Variants in NR1H4 observed in about 807,000 individuals in gnomAD.
NR1H4 encodes the protein bile acid receptor.
NR1H4 carries 23 observed loss-of-function variants against 58.5 expected under a neutral mutation model. That is an observed-to-expected ratio of 0.39 (90% CI 0.28 to 0.56). NR1H4 has a LOEUF of 0.56. NR1H4 is among the 20% of genes least tolerant of loss of function. The pLI, the probability that NR1H4 is intolerant of heterozygous loss-of-function variation, is 0.58. For synonymous variants in NR1H4, 214 were observed against 198.0 expected, an observed-to-expected ratio of 1.08 and a Z score of -0.68; for missense variants, 487 against 576.9, an observed-to-expected ratio of 0.84 and a Z score of 1.60.
Position 100,513,380 on chromosome 12 carries a change from A to C in NR1H4, c.445+2237A>C, listed in dbSNP as rs576000089. Among the ~76,000 whole-genome samples the C allele has an allele frequency of 1.5e-4, 23 of 152,328 alleles. No individual in the cohort carries two copies. In the South Asian group the frequency reaches 1.7e-3, roughly 11 times the overall value. Reference sequence around the variant, plus strand: ...TGATAAAAAGTAAATATTACCCTCGATTCCTATATGAAGTGGCAGATCTTT... The same window carrying C: ...TGATAAAAAGTAAATATTACCCTCGCTTCCTATATGAAGTGGCAGATCTTT... On this transcript the variant is annotated intron_variant, in intron 4 of 10. Transcript: ENST00000392986.
At chr12:100,512,137 G>T (rs1954134761) in intron 4 of NR1H4, among the ~76,000 whole-genome samples, 1 of 152,000 alleles carries the variant, frequency 6.6e-6, no homozygotes, top group Non-Finnish European at 1.5e-5. Context: ...GGAGGCAGAG[G>T]TGGGAGGATC....
intron 1 of NR1H4, among the ~76,000 whole-genome samples, chr12:100,485,242 C>T (rs1593038590): frequency 1.3e-5 from 2 of 152,194 alleles, no homozygotes; most frequent in East Asian, 1.9e-4. Context: ...CTTTGCAGAC[C>T]ATATGGACTG....
intron 1 of NR1H4, among the ~76,000 whole-genome samples, chr12:100,489,236 C>T (rs1369913392): frequency 1.3e-5 from 2 of 152,188 alleles, no homozygotes; most frequent in Non-Finnish European, 1.5e-5. Context: ...CCAAGGTAAT[C>T]TTTACATTTA....
At chr12:100,560,014 T>C (rs1240017194) in intron 9 of NR1H4, among the ~76,000 whole-genome samples, 4 of 149,492 alleles carry the variant, frequency 2.7e-5, no homozygotes, top group Non-Finnish European at 4.5e-5. Context: ...GGATTGTAAA[T>C]ACACCAATCA....
rs548376946 is a variant in NR1H4 at position 100,561,405 on chromosome 12, AT to A, written c.1079-479del. ...AGAGCGAGACTCCATCTCAAAAAAAATAAAATAAATAAATAAATAAAGAACC... is the reference window on the plus strand; with the variant it reads ...AGAGCGAGACTCCATCTCAAAAAAAAAAAATAAATAAATAAATAAAGAACC... On this transcript the variant is annotated intron_variant, in intron 9 of 10. Transcript: ENST00000392986. Among the ~76,000 whole-genome samples the A allele has an allele frequency of 6.8e-5, 10 of 147,932 alleles. No homozygotes were observed. The East Asian group carries it at 1.9e-3, about 29-fold the overall frequency.
intron 4 of NR1H4, among the ~76,000 whole-genome samples, chr12:100,522,726 G>A (rs1345737625): frequency 6.6e-6 from 1 of 151,954 alleles, no homozygotes; most frequent in Non-Finnish European, 1.5e-5. Context: ...TCCCTTTTGA[G>A]TCTCTGAAGT....
intron 8 of NR1H4, among the ~76,000 whole-genome samples, chr12:100,538,946 A>G (rs183444110): frequency 9.8e-5 from 15 of 152,352 alleles, no homozygotes; most frequent in African/African-American, 3.6e-4. Flanking sequence ...TGGATTATAT[A>G]AGAGTAAAAA....
intron 4 of NR1H4, among the ~76,000 whole-genome samples, chr12:100,514,052 C>A (rs545250218): frequency 5.7e-4 from 87 of 152,110 alleles, no homozygotes; most frequent in Non-Finnish European, 1.1e-3. Flanking sequence ...AAATTAGGAC[C>A]AAAAGATGAA....
intron 1 of NR1H4, among the ~76,000 whole-genome samples, chr12:100,481,880 C>T (rs951630723): frequency 2.6e-5 from 4 of 151,744 alleles, no homozygotes; most frequent in African/African-American, 9.7e-5. Context: ...CACCACTGCA[C>T]TCCAGCCTGG....
intron 1 of NR1H4, among the ~76,000 whole-genome samples, chr12:100,490,522 A>G (rs1953583699): frequency 6.6e-6 from 1 of 152,150 alleles, no homozygotes; most frequent in Non-Finnish European, 1.5e-5. Context: ...CCTGGAAAAT[A>G]TTATTATGGG....
chr12:100,563,364 T>G lies in NR1H4; in HGVS notation c.1306T>G (p.Cys436Gly). ...HQPENPQHFACLLGRLTELRT... is the reference protein window; with the variant it reads ...HQPENPQHFAGLLGRLTELRT... ...GCCTGAAAATCCTCAACACTTTGCC[T>G]GTCTCCTGGGTCGCCTGACTGAATT... Residue 436 changes from cysteine (C) to glycine (G), a missense_variant, in exon 11 of 11, where the codon TGT (cysteine) becomes GGT (glycine). By Grantham distance (159) the Cys-to-Gly change is radical. Coordinates refer to ENST00000392986, the MANE Select transcript of NR1H4 (RefSeq NM_001206979.2). 1 of 1,614,178 alleles carries G rather than the reference T, an allele frequency of 6.2e-7. No individual in the cohort carries two copies. Among genetic ancestry groups the G allele is most frequent in the Non-Finnish European group, 8.5e-7 (1 of 1,180,036 alleles).
chr12:100,489,858 C>T lies in NR1H4; in HGVS notation c.-189-2645C>T, dbSNP rs150948273. Among the ~76,000 whole-genome samples the T allele has an allele frequency of 2.3e-3, 349 of 152,080 alleles. 4 individuals are homozygous for T. Among genetic ancestry groups the T allele is most frequent in the African/African-American group, 7.9e-3 (327 of 41,474 alleles). On this transcript the variant is annotated intron_variant, in intron 1 of 10. Coordinates refer to ENST00000392986, the MANE Select transcript of NR1H4 (RefSeq NM_001206979.2). ...AGTTTCTTTTTTTTTAAAGCCCATT[C>T]GGGAATTGTAAACCCAATGAATCTG...
At chr12:100,552,981 A>T (rs1955237826) in intron 9 of NR1H4, among the ~76,000 whole-genome samples, 1 of 151,120 alleles carries the variant, frequency 6.6e-6, no homozygotes. Context: ...GCCACTGGAG[A>T]TAACAGTAAC....
rs10617220 is a variant in NR1H4, at chr12:100,558,349, CAAAAAAAAAAA to C, written c.1079-3519_1079-3509del. Among the ~76,000 whole-genome samples the C allele has an allele frequency of 3.1e-3, 248 of 79,958 alleles. 1 individual carries two copies. Among genetic ancestry groups the C allele is most frequent in the African/African-American group, 0.011 (209 of 19,532 alleles). The allele number at this position is 79,958 out of a possible 152,430, so 52.5% of individuals were successfully genotyped here. On this transcript the variant is annotated intron_variant, in intron 9 of 10. Transcript: ENST00000392986. ...GGGCAACAAGAGTGAGATTCCATCTCAAAAAAAAAAAAAAAAAAAAAAAAAAAGAGACAGCA... is the reference window on the plus strand; with the variant it reads ...GGGCAACAAGAGTGAGATTCCATCTCAAAAAAAAAAAAAAAAGAGACAGCA...
intron 9 of NR1H4, among the ~76,000 whole-genome samples, chr12:100,555,038 A>T (rs929367902): frequency 1.3e-5 from 2 of 152,244 alleles, no homozygotes; most frequent in African/African-American, 4.8e-5. Flanking sequence ...TAATCATTTT[A>T]AAAACTTTAA....
chr12:100,548,106 A>T (rs555418140), intron 9 of NR1H4, among the ~76,000 whole-genome samples: 34 of 147,716 alleles, frequency 2.3e-4, no homozygotes, highest in Non-Finnish European at 4.6e-4. Context: ...GGTGGCTCAC[A>T]CCTGTAATCC....
At position 100,536,503 on chromosome 12, in the gene NR1H4, C is replaced by T; in HGVS notation, c.733-9C>T. On this transcript the variant is annotated splice_polypyrimidine_tract_variant and intron_variant, in intron 6 of 10. Coordinates refer to ENST00000392986, the MANE Select transcript of NR1H4 (RefSeq NM_001206979.2). ...TTCCCTAACACCTTTTATTTTCTTG[C>T]CAGTGTAGGAGAAAACTGAACTCAC... is the stretch of plus-strand genomic sequence containing the variant. The T allele has an allele frequency of 1.3e-6, 2 of 1,544,276 alleles. No individual in the cohort carries two copies. Among genetic ancestry groups the T allele is most frequent in the South Asian group, 2.2e-5 (2 of 89,570 alleles).
At chr12:100,474,766 T>G (rs1356002192) in intron 1 of NR1H4, among the ~76,000 whole-genome samples, 1 of 152,166 alleles carries the variant, frequency 6.6e-6, no homozygotes. Context: ...GACTTACTTC[T>G]TTTAATTGGG....
chr12:100,537,532 C>T (rs1954841042), intron 8 of NR1H4, among the ~76,000 whole-genome samples: 1 of 152,160 alleles, frequency 6.6e-6, no homozygotes, highest in African/African-American at 2.4e-5. Context: ...AATACACATA[C>T]ATACACATAC....
Sources: gnomAD v4.1 joint callset for allele counts (sites outside exome capture counted in the v4.1 genomes callset) on GRCh38, gnomAD v4.1.1 for gene constraint, MANE v1.5 for transcripts, NCBI Gene and HGNC (gene_info 2026-07-23, HGNC 2026-07-21) for gene names.